BLM: variants seen among roughly 807,000 people sequenced by gnomAD.
BLM encodes recQ-like DNA helicase BLM.
BLM carries 95 observed loss-of-function variants against 135.3 expected under a neutral mutation model. That is an observed-to-expected ratio of 0.70 (90% confidence interval 0.59 to 0.83). The LOEUF (loss-of-function observed/expected upper bound fraction) is 0.83. Among genes scored for constraint, BLM ranks in the 40% least tolerant of loss-of-function variants. The pLI is 0.00. For synonymous variants in BLM, 520 were observed against 589.2 expected, an observed-to-expected ratio of 0.88 and a Z score of 1.70; for missense variants, 1,518 against 1,663.9, an observed-to-expected ratio of 0.91 and a Z score of 1.53.
At position 90,799,378 on chromosome 15, in the gene BLM, G is replaced by A. The variant is rs28385121; in HGVS notation, c.3358+1041G>A. ...AAAGAGCTGTCAATTTTAAATGATT[G>A]ACAAAGTAAATTTAGTGGAGAGGTT... On this transcript the variant is annotated intron_variant, in intron 17 of 21. Transcript: ENST00000355112. Among the ~76,000 whole-genome samples, 127 of 151,998 alleles carry A rather than the reference G, an allele frequency of 8.4e-4. 1 individual carries two copies. The highest frequency in any genetic ancestry group is 2.9e-3 in the African/African-American group (121 of 41,486).
In BLM at chr15:90,769,445, A is replaced by T. The variant is rs766292814; in HGVS notation, c.2414A>T (p.His805Leu). The change falls in exon 12 of 22, where the codon CAT becomes CTT. Residue 805 changes from histidine to leucine, a missense_variant. Physicochemically the swap from His to Leu is moderately conservative, Grantham distance 99 (BLOSUM62 -3). Transcript: ENST00000355112. ...ATTTTTTTTTCCAACTAGTGGGGAC[A>T]TGATTTTCGTCAAGATTACAAAAGA... ...DEAHCVSQWG[H>L]DFRQDYKRMN... The T allele has an allele frequency of 6.2e-7, 1 of 1,614,182 alleles. No individual in the cohort carries two copies. Among genetic ancestry groups the T allele is most frequent in the South Asian group, 1.1e-5 (1 of 91,084 alleles).
At chr15:90,739,682 G>T (rs1895313026) in intron 1 of BLM, among the ~76,000 whole-genome samples, 2 of 152,222 alleles carry the variant, frequency 1.3e-5, no homozygotes, top group South Asian at 2.1e-4. Flanking sequence ...GTCTGCTGAT[G>T]ACAAACTATT....
chr15:90,735,270 TA>T (rs1895183520), intron 1 of BLM, among the ~76,000 whole-genome samples: 1 of 138,316 alleles, frequency 7.2e-6, no homozygotes, highest in Non-Finnish European at 1.6e-5. Context: ...TATATATATA[TA>T]TTTAAGTTAA....
chr15:90,743,258 C>T (rs773553043), intron 1 of BLM, among the ~76,000 whole-genome samples: 2 of 152,028 alleles, frequency 1.3e-5, no homozygotes, highest in South Asian at 2.1e-4. Flanking sequence ...GGATTATAGG[C>T]GTGAGCCACC....
chr15:90,773,511 C>CTTTT (rs55678339), intron 12 of BLM, among the ~76,000 whole-genome samples: 548 of 100,492 alleles, frequency 5.5e-3, no homozygotes, highest in African/African-American at 8.0e-3. Flanking sequence ...CTTCAATGGC[C>CTTTT]TTTTTTTTTT....
intron 4 of BLM, 74 bp from the exon 5 acceptor site, chr15:90,754,737 T>C: frequency 6.8e-7 from 1 of 1,476,222 alleles, no homozygotes; most frequent in Non-Finnish European, 9.3e-7. Context: ...AGAAAAATAT[T>C]AAGGGTTTCA....
At chr15:90,729,472 C>T (rs1383073466) in intron 1 of BLM, among the ~76,000 whole-genome samples, 3 of 152,314 alleles carry the variant, frequency 2.0e-5, no homozygotes, top group Middle Eastern at 3.4e-3. Context: ...TTTCCTTCCC[C>T]TTTTCAGCTT....
chr15:90,810,073 C>CT (rs35012069), intron 20 of BLM, among the ~76,000 whole-genome samples: 50,889 of 143,848 alleles, frequency 0.35, 9,534 homozygotes, highest in East Asian at 0.54. Flanking sequence ...TACCTAGTCG[C>CT]TTTTTTTTTT....
At chr15:90,785,124 A>T in intron 14 of BLM, 43 bp downstream of exon 14, 1 of 1,577,742 alleles carries the variant, frequency 6.3e-7, no homozygotes, top group Non-Finnish European at 8.6e-7. Context: ...ATAATCTTTT[A>T]TAGCATATAA....
At chr15:90,782,243 C>T (rs1896632734) in intron 12 of BLM, among the ~76,000 whole-genome samples, 1 of 152,002 alleles carries the variant, frequency 6.6e-6, no homozygotes, top group Admixed American at 6.6e-5. Context: ...CAAAAATTAG[C>T]TGGGCGCGAT....
At chr15:90,749,054 C>T (rs1197291154) in intron 2 of BLM, among the ~76,000 whole-genome samples, 3 of 152,112 alleles carry the variant, frequency 2.0e-5, no homozygotes, top group Non-Finnish European at 4.4e-5. Context: ...CCACTGCACC[C>T]GGCCTCTTCC....
intron 1 of BLM, among the ~76,000 whole-genome samples, chr15:90,739,821 A>C (rs561078131): frequency 2.2e-4 from 34 of 152,210 alleles, no homozygotes; most frequent in African/African-American, 7.0e-4. Context: ...GTTAGAGTGC[A>C]GTGGTGCAAT....
At position 90,760,307 on chromosome 15, in the gene BLM, A is replaced by G. The variant is rs367598573; in HGVS notation, c.1220+28A>G. On this transcript the variant is annotated intron_variant, in intron 6 of 21. Coordinates refer to ENST00000355112, the MANE Select transcript of BLM (RefSeq NM_000057.4). ...ATCTTAATTTTCCCCCTTCTGGAAT[A>G]TATCTGATTATATTTCTACCACTCT... The G allele has an allele frequency of 7.1e-5, 115 of 1,613,224 alleles. No individual in the cohort carries two copies. The African/African-American group carries it at 1.4e-3, about 20-fold the overall frequency.
At chr15:90,742,090 T>C (rs1895377970) in intron 1 of BLM, among the ~76,000 whole-genome samples, 1 of 152,216 alleles carries the variant, frequency 6.6e-6, no homozygotes, top group African/African-American at 2.4e-5. Flanking sequence ...CAAAAATCTC[T>C]CTTTGTCTAG....
At chr15:90,738,258 G>C (rs1483390706) in intron 1 of BLM, among the ~76,000 whole-genome samples, 1 of 152,152 alleles carries the variant, frequency 6.6e-6, no homozygotes, top group Non-Finnish European at 1.5e-5. Flanking sequence ...TTTTCCTCAA[G>C]CTCTTCCAAT....
intron 12 of BLM, among the ~76,000 whole-genome samples, chr15:90,770,551 T>C (rs754238580): frequency 5.9e-5 from 9 of 152,342 alleles, no homozygotes; most frequent in South Asian, 2.1e-4. Context: ...ATGGATTCTT[T>C]GGTAGGTTTA....
intron 1 of BLM, among the ~76,000 whole-genome samples, chr15:90,729,337 A>C (rs1400475111): frequency 6.6e-6 from 1 of 152,102 alleles, no homozygotes; most frequent in African/African-American, 2.4e-5. Context: ...ATAAATAAAA[A>C]CAACAACAAC....
chr15:90,729,118 T>C (rs993947605), intron 1 of BLM, among the ~76,000 whole-genome samples: 1 of 152,086 alleles, frequency 6.6e-6, no homozygotes, highest in Non-Finnish European at 1.5e-5. Context: ...GAGACTAGCC[T>C]GGCCAACGTG....
At chr15:90,721,880 G>A (rs1018607514) in intron 1 of BLM, among the ~76,000 whole-genome samples, 5 of 149,664 alleles carry the variant, frequency 3.3e-5, no homozygotes, top group Non-Finnish European at 4.4e-5. Context: ...GCAGTGAGCC[G>A]AGATCACACC....
Sources: allele counts gnomAD v4.1 joint callset (sites outside exome capture counted in the v4.1 genomes callset), GRCh38; gene constraint gnomAD v4.1.1; transcripts MANE v1.5; gene names NCBI Gene and HGNC (gene_info 2026-07-23, HGNC 2026-07-21).